ADAM17: variants seen among roughly 807,000 people sequenced by gnomAD.
ADAM17 encodes the protein disintegrin and metalloproteinase domain-containing protein 17.
Under a neutral mutation model 96.7 loss-of-function variants are expected in ADAM17, and 39 were observed. That is an observed-to-expected ratio of 0.40 (90% confidence interval 0.31 to 0.53). ADAM17 has a LOEUF of 0.53. Ranked by LOEUF, ADAM17 falls within the 20% of genes least tolerant of loss-of-function variation. The pLI is 0.44. For synonymous variants in ADAM17, 344 were observed against 359.2 expected (o/e 0.96, Z 0.48); for missense variants, 777 against 1,013.2 (o/e 0.77, Z 3.17).
At chr2:9,537,653 A>C (rs1572950712) in intron 2 of ADAM17, among the ~76,000 whole-genome samples, 1 of 151,418 alleles carries the variant, frequency 6.6e-6, no homozygotes, top group African/African-American at 2.4e-5. Context: ...AATGGAGTGA[A>C]CCCGGGAGGC....
chr2:9,511,459 A>G (rs1363792211), intron 10 of ADAM17, among the ~76,000 whole-genome samples: 1 of 152,094 alleles, frequency 6.6e-6, no homozygotes, highest in Non-Finnish European at 1.5e-5. Flanking sequence ...TTAAAAAAAA[A>G]ACAAAAACCA....
rs373146660 is a variant in ADAM17 at position 9,493,742 on chromosome 2, C to T, written c.1993+5G>A. 2 of 1,612,368 alleles carry T rather than the reference C, an allele frequency of 1.2e-6. No homozygotes were observed. Among genetic ancestry groups the T allele is most frequent in the Non-Finnish European group, 8.5e-7 (1 of 1,178,722 alleles). ...CTCAGTAAGTAATCTGGGGAAATCA[C>T]CTACCAAAAGTATTGATGCTCAGCT... On this transcript the variant is annotated splice_donor_5th_base_variant and intron_variant, in intron 16 of 18. Coordinates refer to ENST00000310823, the MANE Select transcript of ADAM17 (RefSeq NM_003183.6).
intron 4 of ADAM17, among the ~76,000 whole-genome samples, chr2:9,534,788 G>A (rs899047498): frequency 6.6e-6 from 1 of 152,036 alleles, no homozygotes; most frequent in African/African-American, 2.4e-5. Context: ...TCTATTTTCC[G>A]AATTTTGCAA....
rs115797309 is a variant in ADAM17, at chr2:9,537,027, C to T, written c.231-199G>A. ...GAACTAATTTATTTAGCTATAAAAACAGCAGATCACAATAAACTCACACTA... is the reference window on the plus strand; with the variant it reads ...GAACTAATTTATTTAGCTATAAAAATAGCAGATCACAATAAACTCACACTA... On this transcript the variant is annotated intron_variant, in intron 2 of 18. Coordinates refer to ENST00000310823, the MANE Select transcript of ADAM17 (RefSeq NM_003183.6). Among the ~76,000 whole-genome samples, 442 of 152,264 alleles carry T rather than the reference C, an allele frequency of 2.9e-3. 2 individuals are homozygous for T. The highest frequency in any genetic ancestry group is 0.01 in the African/African-American group (429 of 41,532).
chr2:9,537,167 T>C (rs1664990603), intron 2 of ADAM17, among the ~76,000 whole-genome samples: 1 of 152,206 alleles, frequency 6.6e-6, no homozygotes, highest in Non-Finnish European at 1.5e-5. Flanking sequence ...AAAAAAATTA[T>C]TATCAAAAAC....
chr2:9,493,354 C>T (rs557477460), intron 16 of ADAM17, among the ~76,000 whole-genome samples: 2 of 152,254 alleles, frequency 1.3e-5, no homozygotes, highest in South Asian at 4.1e-4. Context: ...ACATGATATA[C>T]CCTGCTTCTG....
At chr2:9,509,901 AC>A in intron 11 of ADAM17, 77 bp downstream of exon 11, 1 of 1,538,684 alleles carries the variant, frequency 6.5e-7, no homozygotes, top group Non-Finnish European at 8.8e-7. Flanking sequence ...GGAATGGAAT[AC>A]GTTTCTGAGC....
At chr2:9,500,705 T>C (rs1445764378) in intron 13 of ADAM17, among the ~76,000 whole-genome samples, 1 of 151,952 alleles carries the variant, frequency 6.6e-6, no homozygotes, top group Admixed American at 6.6e-5. Flanking sequence ...ACAATTTAAG[T>C]CAAAAAACAT....
At chr2:9,534,156 G>A (rs1045141598) in intron 4 of ADAM17, among the ~76,000 whole-genome samples, 3 of 152,166 alleles carry the variant, frequency 2.0e-5, no homozygotes, top group Non-Finnish European at 4.4e-5. Flanking sequence ...AGATCATGAG[G>A]TCAGGAGATC....
At chr2:9,494,870 C>A in intron 14 of ADAM17, 103 bp from the exon 15 acceptor site, 1 of 1,427,614 alleles carries the variant, frequency 7.0e-7, no homozygotes, top group South Asian at 1.4e-5. Context: ...GGTAAGAAAT[C>A]ACATTTATTT....
chr2:9,517,013 AGCCAT>A (rs1664090683), intron 10 of ADAM17, among the ~76,000 whole-genome samples: 1 of 152,220 alleles, frequency 6.6e-6, no homozygotes, highest in African/African-American at 2.4e-5. Context: ...AGACTAGGCT[AGCCAT>A]GTTCTCTTTC....
chr2:9,520,855 T>C (rs1664275993), intron 8 of ADAM17, among the ~76,000 whole-genome samples: 2 of 150,338 alleles, frequency 1.3e-5, no homozygotes, highest in South Asian at 4.2e-4. Flanking sequence ...TCCTAGCTAC[T>C]TGGGAGGCTG....
Position 9,508,500 on chromosome 2 carries a change from C to T in ADAM17, c.1344+1479G>A, listed in dbSNP as rs544013321. 5.9e-5 allele frequency among the ~76,000 whole-genome samples: 9 copies of T among 152,286 alleles called. No individual in the cohort carries two copies. The South Asian group carries it at 1.9e-3, about 32-fold the overall frequency. ...ACTCAGTGATTTCTAATAACTTTAC[C>T]AAGTGTTGAAACCATTGCTATAAGT... On this transcript the variant is annotated intron_variant, in intron 11 of 18. Transcript: ENST00000310823.
chr2:9,511,336 G>T (rs1663731412), intron 10 of ADAM17, among the ~76,000 whole-genome samples: 1 of 152,004 alleles, frequency 6.6e-6, no homozygotes, highest in Non-Finnish European at 1.5e-5. Flanking sequence ...TGTAATCCCG[G>T]CTACTCGGGA....
intron 10 of ADAM17, among the ~76,000 whole-genome samples, chr2:9,511,056 AGTT>A (rs962133147): frequency 2.0e-5 from 3 of 152,208 alleles, no homozygotes; most frequent in African/African-American, 7.2e-5. Flanking sequence ...AGCTAACTGT[AGTT>A]AATTGTCCAG....
In ADAM17 at chr2:9,506,366, T is replaced by G. The variant is rs1046554133; in HGVS notation, c.1345-1001A>C. Among the ~76,000 whole-genome samples, 56 of 142,968 alleles carry G rather than the reference T, an allele frequency of 3.9e-4. 1 individual carries two copies. In the East Asian group the frequency reaches 8.7e-3, roughly 22 times the overall value. 93.8% of individuals were successfully genotyped at this position (142,968 alleles called of 152,430 possible). ...AAAAACATCTTCAAATCTGTTTTTT[T>G]TTTTTTTTTTTTTTTTTTTTAGATG... is the stretch of plus-strand genomic sequence containing the variant. On this transcript the variant is annotated intron_variant, in intron 11 of 18. Transcript: ENST00000310823.
intron 10 of ADAM17, among the ~76,000 whole-genome samples, chr2:9,511,855 C>T (rs60196069): frequency 6.6e-6 from 1 of 151,942 alleles, no homozygotes; most frequent in East Asian, 1.9e-4. Context: ...CCTGTAATCG[C>T]AGCTATTTGG....
At position 9,489,200 on chromosome 2, in the gene ADAM17, A is replaced by G. The variant is rs1183799231; in HGVS notation, c.*977T>C. 1.3e-5 allele frequency: 2 copies of G among 151,434 alleles called. No individual in the cohort carries two copies. The highest frequency in any genetic ancestry group is 6.6e-5 in the Admixed American group (1 of 15,202). 9.4% of individuals were successfully genotyped at this position (151,434 alleles called of 1,614,324 possible). On this transcript the variant is annotated 3_prime_UTR_variant, in exon 19 of 19. Coordinates refer to ENST00000310823, the MANE Select transcript of ADAM17 (RefSeq NM_003183.6). ...AAGAAATATCTCACCCTCTTATTCA[A>G]TAGTGTTTGAAAACAGGCAATCTTT...
intron 17 of ADAM17, 58 bp downstream of exon 17, chr2:9,492,840 G>T: frequency 6.9e-7 from 1 of 1,439,452 alleles, no homozygotes; most frequent in Non-Finnish European, 9.5e-7. Flanking sequence ...AGATTACATG[G>T]TTGGAGTTGA....
Sources: allele counts gnomAD v4.1 joint callset (sites outside exome capture counted in the v4.1 genomes callset), GRCh38; gene constraint gnomAD v4.1.1; transcripts MANE v1.5; gene names NCBI Gene and HGNC (gene_info 2026-07-23, HGNC 2026-07-21).